Variants in TMEM117 observed in about 807,000 individuals in gnomAD.
The protein encoded by TMEM117 is transmembrane protein 117.
TMEM117 carries 27 observed loss-of-function variants against 52.4 expected under a neutral mutation model. The ratio of observed to expected loss-of-function variants is 0.51; its 90% confidence interval spans 0.38 to 0.71. TMEM117 has a LOEUF of 0.71. Among genes scored for constraint, TMEM117 ranks in the 30% least tolerant of loss-of-function variants. The pLI, the probability that TMEM117 is intolerant of heterozygous loss-of-function variation, is 0.00. For missense variants in TMEM117, 556 were observed against 630.5 expected (o/e 0.88, Z 1.26); for synonymous variants, 215 against 206.3 (o/e 1.04, Z -0.36).
At chr12:44,352,166 T>A (rs1951571641) in intron 6 of TMEM117, among the ~76,000 whole-genome samples, 2 of 152,042 alleles carry the variant, frequency 1.3e-5, no homozygotes, top group Non-Finnish European at 2.9e-5. Flanking sequence ...CATTTTTCAT[T>A]ATGTGATTAT....
chr12:43,920,802 CAG>C (rs1214900237), intron 2 of TMEM117, among the ~76,000 whole-genome samples: 1 of 152,046 alleles, frequency 6.6e-6, no homozygotes, highest in African/African-American at 2.4e-5. Flanking sequence ...AAGGATAATT[CAG>C]AGAGTATCTC....
chr12:43,913,373 A>C, intron 2 of TMEM117, among the ~76,000 whole-genome samples: 1 of 152,186 alleles, frequency 6.6e-6, no homozygotes, highest in African/African-American at 2.4e-5. Flanking sequence ...ATTGTTTTAT[A>C]ATCATATTTT....
At chr12:44,336,450 A>G (rs958172734) in intron 6 of TMEM117, among the ~76,000 whole-genome samples, 4 of 152,044 alleles carry the variant, frequency 2.6e-5, no homozygotes, top group African/African-American at 9.7e-5. Flanking sequence ...ACTAATTTGT[A>G]TTCTAGAACA....
chr12:44,276,444 G>C (rs1186611518), intron 5 of TMEM117, among the ~76,000 whole-genome samples: 1 of 152,044 alleles, frequency 6.6e-6, no homozygotes, highest in Non-Finnish European at 1.5e-5. Context: ...CTAAAAACTT[G>C]AACTCATAGA....
chr12:43,886,447 A>G (rs550659337), intron 2 of TMEM117, among the ~76,000 whole-genome samples: 1 of 152,200 alleles, frequency 6.6e-6, no homozygotes, highest in Non-Finnish European at 1.5e-5. Flanking sequence ...AAGATATTTC[A>G]GTGGAGTGGG....
rs1943588286 is a variant in TMEM117, at chr12:43,865,909, A to G, written c.277+20981A>G. ...ACTCTTAGAGGAAGATAATAAAACAATGTATCATCTATAAAGTCCAGTTTA... is the reference window on the plus strand; with the variant it reads ...ACTCTTAGAGGAAGATAATAAAACAGTGTATCATCTATAAAGTCCAGTTTA... On this transcript the variant is annotated intron_variant, in intron 2 of 7. Transcript: ENST00000266534. 2.0e-5 allele frequency among the ~76,000 whole-genome samples: 3 copies of G among 151,824 alleles called. No individual in the cohort carries two copies. In the South Asian group the frequency reaches 6.2e-4, roughly 31 times the overall value.
At chr12:43,852,301 G>T (rs1364015011) in intron 2 of TMEM117, among the ~76,000 whole-genome samples, 1 of 152,164 alleles carries the variant, frequency 6.6e-6, no homozygotes, top group African/African-American at 2.4e-5. Flanking sequence ...CGTGTTGGTG[G>T]GCGCCTGTAG....
At chr12:44,398,230 C>G in the TMEM117 span, among the ~76,000 whole-genome samples, 1 of 152,018 alleles carries the variant, frequency 6.6e-6, no homozygotes, top group Non-Finnish European at 1.5e-5. Flanking sequence ...GCAGGTTCCT[C>G]TGTTTGAAAG....
intron 3 of TMEM117, among the ~76,000 whole-genome samples, chr12:44,044,954 G>A (rs2137907774): frequency 6.6e-6 from 1 of 152,338 alleles, no homozygotes; most frequent in African/African-American, 2.4e-5. Context: ...TGGAAAATTG[G>A]TGACAAAGAA....
intron 5 of TMEM117, among the ~76,000 whole-genome samples, chr12:44,259,158 G>A (rs1159665328): frequency 3.3e-5 from 5 of 152,058 alleles, no homozygotes; most frequent in East Asian, 3.9e-4. Flanking sequence ...CAGCAGCTCC[G>A]CTAATGGAGT....
At chr12:43,889,317 A>C (rs1944059345) in intron 2 of TMEM117, among the ~76,000 whole-genome samples, 1 of 152,116 alleles carries the variant, frequency 6.6e-6, no homozygotes, top group Admixed American at 6.5e-5. Flanking sequence ...TCCTGACCTC[A>C]AGTTATCCAC....
intron 4 of TMEM117, among the ~76,000 whole-genome samples, chr12:44,195,071 C>T (rs1949400986): frequency 6.6e-6 from 1 of 152,184 alleles, no homozygotes; most frequent in African/African-American, 2.4e-5. Flanking sequence ...CATTTGATAG[C>T]TCACTCTTCT....
chr12:44,076,750 A>G (rs1592495978), intron 3 of TMEM117, among the ~76,000 whole-genome samples: 1 of 152,344 alleles, frequency 6.6e-6, no homozygotes, highest in South Asian at 2.1e-4. Flanking sequence ...GAACTTTACT[A>G]TAATAAATAT....
chr12:44,190,662 GA>G (rs1029656123), intron 4 of TMEM117, among the ~76,000 whole-genome samples: 11 of 151,758 alleles, frequency 7.2e-5, no homozygotes, highest in African/African-American at 2.4e-4. Context: ...AGCCAAAAAA[GA>G]AAAAAATAAG....
rs1382725857 is a variant in TMEM117 at position 44,008,821 on chromosome 12, C to T, written c.410+64479C>T. On this transcript the variant is annotated intron_variant, in intron 3 of 7. Coordinates refer to ENST00000266534, the MANE Select transcript of TMEM117 (RefSeq NM_032256.3). ...CATGACATTTAAAGGACTTCTCTCC[C>T]ATATGAATTATTTGGTATGTGTGTA... 2.1e-5 allele frequency: 9 copies of T among 437,610 alleles called. 1 individual carries two copies. Among genetic ancestry groups the T allele is most frequent in the Non-Finnish European group, 4.1e-5 (9 of 221,612 alleles). 27.1% of individuals were successfully genotyped at this position (437,610 alleles called of 1,614,324 possible). A position where few individuals can be genotyped will look rare whatever the true frequency, so the allele number is the denominator to read the frequency against.
chr12:44,167,278 A>T (rs779659594), intron 4 of TMEM117, among the ~76,000 whole-genome samples: 17 of 152,202 alleles, frequency 1.1e-4, no homozygotes, highest in Non-Finnish European at 1.9e-4. Context: ...GTTGCCTTGC[A>T]TTAAATGCCT....
intron 2 of TMEM117, among the ~76,000 whole-genome samples, chr12:43,903,543 C>A (rs1592348184): frequency 1.3e-5 from 2 of 152,098 alleles, no homozygotes; most frequent in East Asian, 3.9e-4. Flanking sequence ...TGAAAAATAT[C>A]TACTGAAGTT....
At chr12:44,004,856 C>T (rs1946169595) in intron 3 of TMEM117, among the ~76,000 whole-genome samples, 1 of 152,090 alleles carries the variant, frequency 6.6e-6, no homozygotes, top group Non-Finnish European at 1.5e-5. Context: ...TTGTTTCAGG[C>T]TGACTAGAGA....
chr12:44,038,232 G>T (rs1946741439), intron 3 of TMEM117, among the ~76,000 whole-genome samples: 1 of 152,152 alleles, frequency 6.6e-6, no homozygotes, highest in African/African-American at 2.4e-5. Context: ...GAGAAGGAGA[G>T]AAAAGCTGTG....
Sources: allele counts gnomAD v4.1 joint callset (sites outside exome capture counted in the v4.1 genomes callset), GRCh38; gene constraint gnomAD v4.1.1; transcripts MANE v1.5; gene names NCBI Gene and HGNC (gene_info 2026-07-23, HGNC 2026-07-21).